INSR: variants seen among roughly 807,000 people sequenced by gnomAD.
INSR encodes the protein insulin receptor.
In INSR, 67 loss-of-function variants were observed where a neutral mutation model predicts 142.6. The observed-to-expected ratio is 0.47, with a 90% confidence interval of 0.39 to 0.58. The LOEUF is 0.58. INSR is among the 20% of genes least tolerant of loss of function. The pLI, the probability that INSR is intolerant of heterozygous loss-of-function variation, is 0.00. For synonymous variants in INSR, 756 were observed against 743.1 expected (o/e 1.02, Z -0.28); for missense variants, 1,248 against 1,833.2 (o/e 0.68, Z 5.83).
At chr19:7,243,391 G>A (rs1009577128) in intron 2 of INSR, among the ~76,000 whole-genome samples, 11 of 151,542 alleles carry the variant, frequency 7.3e-5, no homozygotes, top group East Asian at 3.9e-4. Flanking sequence ...GATTACAGGC[G>A]TGCGCCACCA....
chr19:7,141,452 T>A (rs1025741863), intron 13 of INSR: 6 of 591,072 alleles, frequency 1.0e-5, no homozygotes, highest in African/African-American at 7.4e-5. Flanking sequence ...AGGACACAGC[T>A]GGAAAGCAAT....
In INSR at chr19:7,151,162, C is replaced by CTTTCTCTT. The variant is rs1359040007; in HGVS notation, c.2232-631_2232-630insAAGAGAAA. Among the ~76,000 whole-genome samples the CTTTCTCTT allele has an allele frequency of 2.2e-3, 101 of 45,884 alleles. 1 individual carries two copies. The highest frequency in any genetic ancestry group is 5.0e-3 in the African/African-American group (100 of 19,982). The allele number at this position is 45,884 out of a possible 152,430, so 30.1% of individuals were successfully genotyped here. The stretch of plus-strand genomic sequence containing the variant: ...CTTTCTCTCTTTCCTTTCTTTCTTT[C>CTTTCTCTT]TCTTTCTTTCTTTCTTTCTTTCTTT... On this transcript the variant is annotated intron_variant, in intron 10 of 21. Transcript: ENST00000302850.
intron 1 of INSR, among the ~76,000 whole-genome samples, chr19:7,279,588 C>T (rs754278600): frequency 2.0e-5 from 3 of 151,116 alleles, no homozygotes; most frequent in Non-Finnish European, 4.4e-5. Context: ...ATGTGGGTCC[C>T]GTGGGCATTG....
intron 3 of INSR, among the ~76,000 whole-genome samples, chr19:7,181,613 G>A (rs1236746797): frequency 6.6e-6 from 1 of 150,994 alleles, no homozygotes; most frequent in Non-Finnish European, 1.5e-5. Context: ...ACTTGCCTGG[G>A]GGCTAACGTG....
At chr19:7,224,778 G>T (rs535572344) in intron 2 of INSR, among the ~76,000 whole-genome samples, 1 of 152,304 alleles carries the variant, frequency 6.6e-6, no homozygotes, top group Admixed American at 6.5e-5. Flanking sequence ...CTAACCAATA[G>T]CAGGTGGGCT....
intron 1 of INSR, among the ~76,000 whole-genome samples, chr19:7,281,337 A>AACACAC (rs34319011): frequency 6.6e-6 from 1 of 150,610 alleles, no homozygotes; most frequent in Non-Finnish European, 1.5e-5. Context: ...ACAACAAACA[A>AACACAC]ACACACACAC....
chr19:7,186,500 A>T (rs981130268), intron 2 of INSR, among the ~76,000 whole-genome samples: 2 of 152,126 alleles, frequency 1.3e-5, no homozygotes, highest in African/African-American at 4.8e-5. Context: ...TACACATAGC[A>T]TAAAATTCAC....
At chr19:7,221,090 C>T (rs553707421) in intron 2 of INSR, among the ~76,000 whole-genome samples, 1 of 152,252 alleles carries the variant, frequency 6.6e-6, no homozygotes, top group East Asian at 1.9e-4. Flanking sequence ...AGGTCTTCAC[C>T]AGGCCGAGCG....
At chr19:7,269,523 A>G (rs747980379) in intron 1 of INSR, among the ~76,000 whole-genome samples, 15 of 152,086 alleles carry the variant, frequency 9.9e-5, no homozygotes, top group Non-Finnish European at 1.9e-4. Context: ...TGAACCAAGC[A>G]GGAACCCTGC....
intron 1 of INSR, among the ~76,000 whole-genome samples, chr19:7,289,442 G>A (rs1418938807): frequency 7.5e-6 from 1 of 132,794 alleles, no homozygotes; most frequent in Non-Finnish European, 1.6e-5. Flanking sequence ...GTCTCTCTCT[G>A]TTGCCCAGGC....
intron 16 of INSR, 48 bp downstream of exon 16, chr19:7,126,536 G>C (rs1275367691): frequency 6.8e-7 from 1 of 1,473,386 alleles, no homozygotes; most frequent in East Asian, 2.5e-5. Flanking sequence ...GGCAAAGGAA[G>C]CTGATGAGTA....
intron 2 of INSR, among the ~76,000 whole-genome samples, chr19:7,208,035 T>C (rs1161569815): frequency 6.6e-6 from 1 of 152,090 alleles, no homozygotes; most frequent in Non-Finnish European, 1.5e-5. Flanking sequence ...GGTTAAGAGC[T>C]GGCCCCTCTT....
intron 9 of INSR, among the ~76,000 whole-genome samples, chr19:7,157,129 C>T (rs2144911529): frequency 6.6e-6 from 1 of 152,296 alleles, no homozygotes; most frequent in African/African-American, 2.4e-5. Context: ...TACAGGCGTG[C>T]ACCACCATGC....
intron 2 of INSR, among the ~76,000 whole-genome samples, chr19:7,245,951 G>T (rs1246564183): frequency 6.6e-6 from 1 of 152,004 alleles, no homozygotes. Flanking sequence ...GAAGGAATTG[G>T]TTATTCAACA....
At position 7,150,485 on chromosome 19, in the gene INSR, G is replaced by C; in HGVS notation, c.2267+12C>G. The C allele has an allele frequency of 6.2e-7, 1 of 1,613,974 alleles. No homozygotes were observed. The highest frequency in any genetic ancestry group is 8.5e-7 in the Non-Finnish European group (1 of 1,179,846). ...CGGAGCAGGCACCAGGGGTCGCACA[G>C]GTGAGTCATACCTAGGGTCCTCGGC... On this transcript the variant is annotated intron_variant, in intron 11 of 21. Transcript: ENST00000302850. This position sits in a 1 kb window ranked among gnomAD's most constrained non-coding sequence, Gnocchi z 4.2.
In INSR at chr19:7,116,700, C is replaced by CAAAAAA. The variant is rs71177157; in HGVS notation, c.*350_*355dup. The CAAAAAA allele has an allele frequency of 0.13, 6,301 of 50,386 alleles. 1,127 individuals carry two copies. The highest frequency in any genetic ancestry group is 0.28 in the South Asian group (199 of 710). 3.1% of individuals were successfully genotyped at this position (50,386 alleles called of 1,614,324 possible). On this transcript the variant is annotated 3_prime_UTR_variant, in exon 22 of 22. Coordinates refer to ENST00000302850, the MANE Select transcript of INSR (RefSeq NM_000208.4). ...TTTTATACTGAAGCTCAGACACCAG[C>CAAAAAA]AAAAAAAAAAAAAAAAAAAAAGAAT...
At chr19:7,193,137 A>G (rs1223737862) in intron 2 of INSR, among the ~76,000 whole-genome samples, 1 of 149,354 alleles carries the variant, frequency 6.7e-6, no homozygotes, top group Non-Finnish European at 1.5e-5. Context: ...TTTTTTCCCC[A>G]GATGGAGTCT....
rs1005516585 is a variant in INSR at position 7,125,654 on chromosome 19, C to T, written c.3014-127G>A. ...GAAATGAGTTCTGTGATCCAGGACC[C>T]ATGCCGGGCACTGGGCATATGGCCG... On this transcript the variant is annotated intron_variant, in intron 16 of 21. Coordinates refer to ENST00000302850, the MANE Select transcript of INSR (RefSeq NM_000208.4). This position sits in a 1 kb window ranked among gnomAD's most constrained non-coding sequence, Gnocchi z 4.9. 1.2e-5 allele frequency: 16 copies of T among 1,294,332 alleles called. No homozygotes were observed. The highest frequency in any genetic ancestry group is 1.9e-5 in the Admixed American group (1 of 53,538). 80.2% of individuals were successfully genotyped at this position (1,294,332 alleles called of 1,614,324 possible). A position where few individuals can be genotyped will look rare whatever the true frequency, so the allele number is the denominator to read the frequency against.
chr19:7,231,737 T>C (rs1017136771), intron 2 of INSR, among the ~76,000 whole-genome samples: 4 of 151,786 alleles, frequency 2.6e-5, no homozygotes, highest in African/African-American at 7.3e-5. Context: ...AAACCCCATC[T>C]AGGACTACCT....
Sources: allele counts gnomAD v4.1 joint callset (sites outside exome capture counted in the v4.1 genomes callset), GRCh38; gene constraint gnomAD v4.1.1; non-coding constraint Gnocchi (gnomAD v3.1); transcripts MANE v1.5; gene names NCBI Gene and HGNC (gene_info 2026-07-23, HGNC 2026-07-21).